PSMD13: variants seen among roughly 807,000 people sequenced by gnomAD.
PSMD13 encodes the protein proteasome 26S subunit, non-ATPase 13.
A neutral mutation model predicts 57.4 loss-of-function variants in PSMD13; 8 were observed. The observed-to-expected ratio is 0.14, with a 90% CI of 0.08 to 0.25. The LOEUF (loss-of-function observed/expected upper bound fraction) is 0.25, where lower values mean the gene tolerates loss of function less well. Ranked by LOEUF, PSMD13 falls within the 10% of genes least tolerant of loss-of-function variation. The pLI, the probability that PSMD13 is intolerant of heterozygous loss-of-function variation, is 1.00. For missense variants in PSMD13, 400 were observed against 461.5 expected (o/e 0.87, Z 1.22); for synonymous variants, 193 against 168.2 (o/e 1.15, Z -1.14).
At chr11:250,989 C>G (rs972831101) in intron 10 of PSMD13, 124 bp downstream of exon 10, 5 of 846,070 alleles carry the variant, frequency 5.9e-6, no homozygotes, top group South Asian at 1.4e-5. Flanking sequence ...TGCTGTGCGC[C>G]GCTCTCTTCA....
intron 2 of PSMD13, among the ~76,000 whole-genome samples, chr11:241,800 C>T (rs1276944311): frequency 1.3e-5 from 2 of 152,192 alleles, no homozygotes; most frequent in Non-Finnish European, 2.9e-5. Context: ...CTCTCAGTCT[C>T]TTTCACCTGC....
At chr11:239,152 T>C in intron 2 of PSMD13, 76 bp downstream of exon 2, 1 of 1,164,572 alleles carries the variant, frequency 8.6e-7, no homozygotes, top group Admixed American at 1.7e-5. Flanking sequence ...GGCTTTATGC[T>C]AATAATAATA....
chr11:237,138 C>G lies in PSMD13; in HGVS notation c.89C>G (p.Thr30Arg), dbSNP rs571839484. 6.2e-7 allele frequency: 1 copy of G among 1,612,250 alleles called. No homozygotes were observed. The highest frequency in any genetic ancestry group is 1.1e-5 in the South Asian group (1 of 90,986). Residue 30 changes from threonine to arginine, a missense_variant, in exon 1 of 13, where the codon ACG becomes AGG. Thr to Arg is a moderately conservative substitution (Grantham distance 71). Transcript: ENST00000532097. ...TGGCACCGTCTGGAGGAGCTCTACA[C>G]GAAGAAGTGAGCGCCGAGCAGACGG... ...AVWHRLEELY[T>R]KKLWHQLTLQ...
chr11:244,242 G>A, intron 4 of PSMD13, 26 bp downstream of exon 4: 1 of 1,605,456 alleles, frequency 6.2e-7, no homozygotes, highest in Non-Finnish European at 8.5e-7. Context: ...TTTTATAAAG[G>A]AGCAGATCCA....
In PSMD13 at chr11:248,790, G is replaced by A; in HGVS notation, c.583G>A (p.Glu195Lys). Residue 195 changes from glutamate (E) to lysine (K), a missense_variant, in exon 8 of 13, where the codon GAG becomes AAG. By Grantham distance (56) the Glu-to-Lys change is moderately conservative. Coordinates refer to ENST00000532097, the MANE Select transcript of PSMD13 (RefSeq NM_002817.4). The stretch of plus-strand genomic sequence containing the variant: ...TGCTACCATAGTGTCTGAGCAGCAG[G>A]AGAGAGCCTTCACGCTGGGGCTAGC... ...IKDLPVSEQQ[E>K]RAFTLGLAGL... 6.2e-7 allele frequency: 1 copy of A among 1,614,210 alleles called. No individual in the cohort carries two copies. Among genetic ancestry groups the A allele is most frequent in the South Asian group, 1.1e-5 (1 of 91,086 alleles).
chr11:244,561 G>C, intron 5 of PSMD13, 92 bp downstream of exon 5: 51 of 1,520,790 alleles, frequency 3.4e-5, no homozygotes, highest in Non-Finnish European at 4.5e-5. Flanking sequence ...CAGACCTTTA[G>C]AGACCACAAG....
chr11:243,098 A>T, intron 2 of PSMD13: 1 of 547,912 alleles, frequency 1.8e-6, no homozygotes, highest in Non-Finnish European at 3.6e-6. Flanking sequence ...CCGGATGGTT[A>T]CGTCTTTTTC....
Position 251,185 on chromosome 11 carries a change from A to G in PSMD13, c.837+320A>G, listed in dbSNP as rs915054623. 12 of 455,198 alleles carry G rather than the reference A, an allele frequency of 2.6e-5. No individual in the cohort carries two copies. The East Asian group carries it at 4.8e-4, about 18-fold the overall frequency. The allele number at this position is 455,198 out of a possible 1,614,324, so 28.2% of individuals were successfully genotyped here. A position where few individuals can be genotyped will look rare whatever the true frequency, so the allele number is the denominator to read the frequency against. On this transcript the variant is annotated intron_variant, in intron 10 of 12. Transcript: ENST00000532097. This position sits in a 1 kb window ranked among gnomAD's most constrained non-coding sequence, Gnocchi z 4.6. ...CCTCATTGCATGTCGCTTCTTGTGT[A>G]CACGCACATCTGTCTTTCCCCACTA...
chr11:252,614 C>G lies in PSMD13; in HGVS notation c.*14C>G. ...ATCCTCACCTAGGGCCCCCTGGTTC[C>G]CCGTCGTGTCTCCTTTGACTCACCT... On this transcript the variant is annotated 3_prime_UTR_variant, in exon 13 of 13. Coordinates refer to ENST00000532097, the MANE Select transcript of PSMD13 (RefSeq NM_002817.4). This position sits in a 1 kb window ranked among gnomAD's most constrained non-coding sequence, Gnocchi z 4.1. 6.2e-7 allele frequency: 1 copy of G among 1,611,988 alleles called. No homozygotes were observed. Among genetic ancestry groups the G allele is most frequent in the Non-Finnish European group, 8.5e-7 (1 of 1,178,166 alleles).
intron 6 of PSMD13, 116 bp from the exon 7 acceptor site, chr11:247,161 T>A (rs1859665273): frequency 1.0e-6 from 1 of 986,582 alleles, no homozygotes; most frequent in Non-Finnish European, 1.4e-6. Context: ...GGTGGGAGGA[T>A]CACTTGAGGC....
chr11:238,939 C>A, intron 1 of PSMD13, 59 bp from the exon 2 acceptor site: 2 of 1,433,078 alleles, frequency 1.4e-6, no homozygotes, highest in Non-Finnish European at 2.0e-6. Context: ...ATCATCAAGG[C>A]TGGAGGTGTC....
rs1436442478 is a variant in PSMD13, at chr11:250,509, G to A, written c.775-294G>A. Among the ~76,000 whole-genome samples the A allele has an allele frequency of 6.6e-5, 10 of 152,272 alleles. No homozygotes were observed. The South Asian group carries it at 1.2e-3, about 19-fold the overall frequency. ...CCAGGAGAGTCTTCTCGAAATGCCCGTACCCTGTGGCCCTGCCTAATGGTG... is the reference window on the plus strand; with the variant it reads ...CCAGGAGAGTCTTCTCGAAATGCCCATACCCTGTGGCCCTGCCTAATGGTG... On this transcript the variant is annotated intron_variant, in intron 9 of 12. Coordinates refer to ENST00000532097, the MANE Select transcript of PSMD13 (RefSeq NM_002817.4).
intron 9 of PSMD13, 147 bp downstream of exon 9, chr11:249,204 C>G: frequency 1.7e-6 from 2 of 1,179,054 alleles, no homozygotes; most frequent in African/African-American, 1.5e-5. Flanking sequence ...TCTCATAGAG[C>G]AGAGAGTTAA....
chr11:247,020 A>G (rs901162216), intron 6 of PSMD13, among the ~76,000 whole-genome samples: 1 of 152,096 alleles, frequency 6.6e-6, no homozygotes, highest in African/African-American at 2.4e-5. Flanking sequence ...TAAGTTTTCC[A>G]TTTTAACGCG....
chr11:247,491 T>G, intron 7 of PSMD13, 43 bp downstream of exon 7: 1 of 1,588,522 alleles, frequency 6.3e-7, no homozygotes, highest in Non-Finnish European at 8.6e-7. Context: ...GAGCATATTC[T>G]CCAAACTTAG....
chr11:248,547 T>C (rs1021194530), intron 7 of PSMD13: 5 of 554,458 alleles, frequency 9.0e-6, no homozygotes, highest in Non-Finnish European at 1.6e-5. Flanking sequence ...GATTCACATA[T>C]ATTTAGGAAA....
In PSMD13 at chr11:237,049, C is replaced by G; in HGVS notation, c.-1C>G. The G allele has an allele frequency of 6.2e-7, 1 of 1,612,722 alleles. No homozygotes were observed. Among genetic ancestry groups the G allele is most frequent in the South Asian group, 1.1e-5 (1 of 90,988 alleles). On this transcript the variant is annotated 5_prime_UTR_variant, in exon 1 of 13. Transcript: ENST00000532097. The stretch of plus-strand genomic sequence containing the variant: ...TCTGTGCCGGGGGTCTTCCTGCTGT[C>G]ATGAAGGACGTACCGGGCTTCCTAC...
At chr11:246,070 G>A (rs1261754021) in intron 6 of PSMD13, among the ~76,000 whole-genome samples, 1 of 152,070 alleles carries the variant, frequency 6.6e-6, no homozygotes, top group African/African-American at 2.4e-5. Flanking sequence ...CATTAAATAG[G>A]GGTGTGTAAC....
chr11:246,432 C>T (rs1267744874), intron 6 of PSMD13, among the ~76,000 whole-genome samples: 1 of 150,092 alleles, frequency 6.7e-6, no homozygotes, highest in East Asian at 2.0e-4. Context: ...GCCTGCAAGG[C>T]GGAGGTTGCA....
Sources: gnomAD v4.1 joint callset for allele counts (sites outside exome capture counted in the v4.1 genomes callset) on GRCh38, gnomAD v4.1.1 for gene constraint, Gnocchi (gnomAD v3.1) non-coding constraint, MANE v1.5 for transcripts, NCBI Gene and HGNC (gene_info 2026-07-23, HGNC 2026-07-21) for gene names.